PTPRT: variants seen among roughly 807,000 people sequenced by gnomAD.
PTPRT encodes the protein protein tyrosine phosphatase receptor type T.
In PTPRT, 56 loss-of-function variants were observed where a neutral mutation model predicts 176.8. The observed-to-expected ratio is 0.32, with a 90% confidence interval of 0.26 to 0.40. The LOEUF is 0.40. Among genes scored for constraint, PTPRT ranks in the 10% least tolerant of loss-of-function variants. The pLI, the probability that PTPRT is intolerant of heterozygous loss-of-function variation, is 1.00. For missense variants in PTPRT, 1,540 were observed against 1,908.2 expected (o/e 0.81, Z 3.60); for synonymous variants, 783 against 739.0 (o/e 1.06, Z -0.96).
chr20:42,574,909 G>C (rs1360153730), intron 7 of PTPRT, among the ~76,000 whole-genome samples: 2 of 152,088 alleles, frequency 1.3e-5, no homozygotes, highest in Non-Finnish European at 2.9e-5. Flanking sequence ...CTGCCATCCT[G>C]CCATCATGCC....
intron 2 of PTPRT, among the ~76,000 whole-genome samples, chr20:42,809,667 G>A (rs1020660701): frequency 2.0e-5 from 3 of 152,126 alleles, no homozygotes; most frequent in African/African-American, 7.2e-5. Context: ...GCCCGTGGTG[G>A]TGTCTGGTGC....
In PTPRT at chr20:42,991,556, T is replaced by TG. The variant is rs1317520729; in HGVS notation, c.89-105625dup. ...TAGAGTGGTGGTTTCCAGGGACTGG[T>TG]GGGGGGCAGATGGAAATGGGAAGTT... On this transcript the variant is annotated intron_variant, in intron 1 of 30. Coordinates refer to ENST00000373187, the MANE Select transcript of PTPRT (RefSeq NM_007050.6). 6.7e-5 allele frequency among the ~76,000 whole-genome samples: 10 copies of TG among 149,910 alleles called. No homozygotes were observed. The East Asian group carries it at 1.2e-3, about 18-fold the overall frequency.
chr20:42,846,027 C>T (rs139432113), intron 2 of PTPRT, among the ~76,000 whole-genome samples: 2 of 152,204 alleles, frequency 1.3e-5, no homozygotes, highest in Admixed American at 6.5e-5. Context: ...CCCCCAGGGA[C>T]GCTACAAGGC....
Position 42,897,706 on chromosome 20 carries a change from C to G in PTPRT, c.89-11774G>C, listed in dbSNP as rs208209. On this transcript the variant is annotated intron_variant, in intron 1 of 30. Coordinates refer to ENST00000373187, the MANE Select transcript of PTPRT (RefSeq NM_007050.6). ...CAGTTAAAGCTATGAACTCCAGAGC[C>G]AGCATCTAAGCTCTGCTATTTTTTT... is the stretch of plus-strand genomic sequence containing the variant. Among the ~76,000 whole-genome samples, 1,136 of 152,300 alleles carry G rather than the reference C, an allele frequency of 7.5e-3. 16 individuals are homozygous for G. The highest frequency in any genetic ancestry group is 0.026 in the African/African-American group (1,069 of 41,566).
chr20:42,993,291 G>A (rs558572362), intron 1 of PTPRT, among the ~76,000 whole-genome samples: 1 of 150,494 alleles, frequency 6.6e-6, no homozygotes, highest in Non-Finnish European at 1.5e-5. Flanking sequence ...GGTGGCGGGT[G>A]CATGTAGTCC....
At chr20:42,200,404 C>A (rs1003573191) in intron 15 of PTPRT, among the ~76,000 whole-genome samples, 2 of 152,188 alleles carry the variant, frequency 1.3e-5, no homozygotes, top group Non-Finnish European at 2.9e-5. Context: ...AGACACCTAG[C>A]AGTTGCTATT....
intron 6 of PTPRT, among the ~76,000 whole-genome samples, chr20:42,702,321 A>T (rs1437278358): frequency 6.6e-6 from 1 of 152,178 alleles, no homozygotes; most frequent in East Asian, 1.9e-4. Context: ...CATCTTCTCA[A>T]TGTGCAATGC....
chr20:42,063,209 G>T, the PTPRT span, among the ~76,000 whole-genome samples: 1 of 152,278 alleles, frequency 6.6e-6, no homozygotes, highest in African/African-American at 2.4e-5. Flanking sequence ...AGGGCATTTT[G>T]TCTTTCTGGT....
At chr20:42,742,248 T>C (rs1449541033) in intron 6 of PTPRT, among the ~76,000 whole-genome samples, 1 of 152,254 alleles carries the variant, frequency 6.6e-6, no homozygotes, top group Non-Finnish European at 1.5e-5. Flanking sequence ...TGGCATTGTC[T>C]GCATGCTGTG....
chr20:42,410,730 T>C (rs2059007113), intron 9 of PTPRT, among the ~76,000 whole-genome samples: 1 of 152,080 alleles, frequency 6.6e-6, no homozygotes, highest in Non-Finnish European at 1.5e-5. Context: ...ATGTGTTTTC[T>C]GACTATAGTA....
At chr20:42,587,309 C>T (rs1400209389) in intron 7 of PTPRT, among the ~76,000 whole-genome samples, 11 of 152,212 alleles carry the variant, frequency 7.2e-5, no homozygotes, top group African/African-American at 2.2e-4. Context: ...GGACAGCATC[C>T]CAGCATTTAC....
intron 1 of PTPRT, among the ~76,000 whole-genome samples, chr20:42,901,056 C>A (rs776250653): frequency 6.6e-6 from 1 of 152,194 alleles, no homozygotes; most frequent in African/African-American, 2.4e-5. Flanking sequence ...GCCGTCACAG[C>A]TGTAGATCAT....
In PTPRT at chr20:42,756,542, C is replaced by T. The variant is rs367872006; in HGVS notation, c.779G>A (p.Arg260Gln). 3.5e-5 allele frequency: 56 copies of T among 1,612,888 alleles called. No individual in the cohort carries two copies. The highest frequency in any genetic ancestry group is 4.1e-5 in the Non-Finnish European group (48 of 1,179,204). ...ATVSVADTAQ[R>Q]SVSKYRCVIR... is the part of the protein sequence containing the mutation. ...CACACAGCGGTACTTGCTGACGCTC[C>T]GCTGGGCAGTGTCTGCCACACTGAC... Residue 260 changes from arginine (R) to glutamine (Q), a missense_variant, in exon 6 of 31, where the codon CGG (arginine) becomes CAG (glutamine). Physicochemically the swap from Arg to Gln is conservative, Grantham distance 43 (BLOSUM62 1). Around this residue, in one of 11 missense-constraint regions of PTPRT, gnomAD observed 273 missense variants for 432.1 expected, o/e 0.63. Coordinates refer to ENST00000373187, the MANE Select transcript of PTPRT (RefSeq NM_007050.6).
At chr20:42,544,784 G>A (rs1255565208) in intron 7 of PTPRT, among the ~76,000 whole-genome samples, 1 of 152,164 alleles carries the variant, frequency 6.6e-6, no homozygotes, top group African/African-American at 2.4e-5. Context: ...GAGCTTTTAA[G>A]AATAACAGAC....
In PTPRT at chr20:42,560,629, T is replaced by C. The variant is rs148818688; in HGVS notation, c.1154-88067A>G. Among the ~76,000 whole-genome samples the C allele has an allele frequency of 4.5e-3, 687 of 152,300 alleles. 7 individuals carry two copies. Among genetic ancestry groups the C allele is most frequent in the Non-Finnish European group, 4.9e-3 (336 of 68,022 alleles). On this transcript the variant is annotated intron_variant, in intron 7 of 30. Coordinates refer to ENST00000373187, the MANE Select transcript of PTPRT (RefSeq NM_007050.6). The stretch of plus-strand genomic sequence containing the variant: ...ATTCCCACTGCTAACCCATTCACAA[T>C]GCTCTCTGCAAGTAGCTGGGACCCC...
chr20:42,557,678 G>T (rs2072883775), intron 7 of PTPRT, among the ~76,000 whole-genome samples: 1 of 152,098 alleles, frequency 6.6e-6, no homozygotes, highest in South Asian at 2.1e-4. Context: ...ACTTTTGCTT[G>T]TATAAAATTG....
intron 1 of PTPRT, among the ~76,000 whole-genome samples, chr20:42,929,538 T>C (rs1485352038): frequency 6.6e-6 from 1 of 152,236 alleles, no homozygotes; most frequent in Non-Finnish European, 1.5e-5. Context: ...TCCTAAGTTT[T>C]CTACAGAAAA....
At chr20:42,613,800 C>G (rs563972346) in intron 7 of PTPRT, among the ~76,000 whole-genome samples, 17 of 152,282 alleles carry the variant, frequency 1.1e-4, no homozygotes, top group African/African-American at 1.4e-4. Flanking sequence ...TGTTTTATCT[C>G]CTTTCCTACC....
At chr20:42,175,274 G>A (rs1014994367) in intron 16 of PTPRT, among the ~76,000 whole-genome samples, 2 of 152,024 alleles carry the variant, frequency 1.3e-5, no homozygotes, top group African/African-American at 4.8e-5. Context: ...AATCTCATTT[G>A]CCTCATCTTG....
Sources: gnomAD v4.1 joint callset for allele counts (sites outside exome capture counted in the v4.1 genomes callset) on GRCh38, gnomAD v4.1.1 for gene constraint, gnomAD v4.1.1 regional missense constraint, MANE v1.5 for transcripts, NCBI Gene and HGNC (gene_info 2026-07-23, HGNC 2026-07-21) for gene names.